Variants in CEMIP observed in about 807,000 individuals in gnomAD.
The protein encoded by CEMIP is cell migration-inducing and hyaluronan-binding protein.
A neutral mutation model predicts 156.9 loss-of-function variants in CEMIP; 105 were observed. The ratio of observed to expected loss-of-function variants is 0.67; its 90% CI spans 0.57 to 0.79. The LOEUF is 0.79. Among genes scored for constraint, CEMIP ranks in the 30% least tolerant of loss-of-function variants. CEMIP has a pLI of 0.00. For missense variants in CEMIP, 1,457 were observed against 1,769.4 expected, an observed-to-expected ratio of 0.82 and a Z score of 3.17; for synonymous variants, 676 against 668.4, an observed-to-expected ratio of 1.01 and a Z score of -0.17.
intron 1 of CEMIP, among the ~76,000 whole-genome samples, chr15:80,823,153 C>T (rs974742336): frequency 5.3e-5 from 8 of 152,170 alleles, no homozygotes; most frequent in Non-Finnish European, 8.8e-5. Flanking sequence ...AATGGAGAAA[C>T]GGTTTGTTTG....
At chr15:80,894,328 T>G in intron 10 of CEMIP, among the ~76,000 whole-genome samples, 1 of 152,260 alleles carries the variant, frequency 6.6e-6, no homozygotes, top group Non-Finnish European at 1.5e-5. Flanking sequence ...TTTGTGATCC[T>G]GGGTAAGTAA....
chr15:80,858,496 C>T (rs182984488), intron 1 of CEMIP, among the ~76,000 whole-genome samples: 77 of 151,706 alleles, frequency 5.1e-4, no homozygotes, highest in Admixed American at 8.5e-4. Context: ...GATGGATCAC[C>T]TGAGGTCAGG....
At chr15:80,782,103 A>G (rs1444284564) in intron 1 of CEMIP, among the ~76,000 whole-genome samples, 1 of 152,228 alleles carries the variant, frequency 6.6e-6, no homozygotes. Context: ...CCCTACCTAC[A>G]CTACTTGGAG....
chr15:80,832,355 T>TGTGTGTGTGTGTGTGTGTGTGC (rs1897175574), intron 1 of CEMIP, among the ~76,000 whole-genome samples: 1 of 151,028 alleles, frequency 6.6e-6, no homozygotes, highest in Admixed American at 6.6e-5. Flanking sequence ...TGTGTGTGTG[T>TGTGTGTGTGTGTGTGTGTGTGC]GTGTGTAAGA....
intron 1 of CEMIP, among the ~76,000 whole-genome samples, chr15:80,818,134 C>CA (rs1436713942): frequency 3.3e-5 from 5 of 152,214 alleles, no homozygotes; most frequent in Admixed American, 6.5e-5. Context: ...CAGCTTACTA[C>CA]AAAAAAATAT....
intron 21 of CEMIP, among the ~76,000 whole-genome samples, chr15:80,929,726 C>T (rs936643771): frequency 1.2e-4 from 18 of 152,182 alleles, no homozygotes; most frequent in African/African-American, 3.9e-4. Context: ...ACACGGGCAC[C>T]GTGGGTTAGG....
Position 80,946,947 on chromosome 15 carries a change from T to G in CEMIP, c.3858-18T>G, listed in dbSNP as rs1567114491. ...GTTTGCTCTCTCCCTCTGGTCTAAT[T>G]GGTTTCTTCTCACACAGTTCCATAG... On this transcript the variant is annotated intron_variant, in intron 28 of 29. Coordinates refer to ENST00000394685, the MANE Select transcript of CEMIP (RefSeq NM_001293298.2). The G allele has an allele frequency of 6.4e-7, 1 of 1,565,960 alleles. No homozygotes were observed. The highest frequency in any genetic ancestry group is 1.4e-5 in the African/African-American group (1 of 74,050).
At chr15:80,930,893 C>T (rs1900888865) in intron 21 of CEMIP, among the ~76,000 whole-genome samples, 1 of 152,158 alleles carries the variant, frequency 6.6e-6, no homozygotes, top group Non-Finnish European at 1.5e-5. Flanking sequence ...TACAGAGACA[C>T]CAGCATAAGC....
intron 1 of CEMIP, among the ~76,000 whole-genome samples, chr15:80,839,694 T>C (rs1171966319): frequency 2.6e-5 from 4 of 152,172 alleles, no homozygotes; most frequent in Non-Finnish European, 2.9e-5. Flanking sequence ...TCCATCCTCT[T>C]CATCTGCCCA....
intron 29 of CEMIP, chr15:80,948,493 TAGG>T (rs751270164): frequency 4.6e-6 from 2 of 430,510 alleles, no homozygotes; most frequent in Non-Finnish European, 4.4e-6. Flanking sequence ...GGCAGGTTCC[TAGG>T]AGGTCTCCTC....
chr15:80,905,344 C>T (rs2141884794), intron 12 of CEMIP, among the ~76,000 whole-genome samples: 1 of 152,332 alleles, frequency 6.6e-6, no homozygotes, highest in South Asian at 2.1e-4. Flanking sequence ...GGTCAGCAAC[C>T]TCAGTGAAGA....
intron 1 of CEMIP, among the ~76,000 whole-genome samples, chr15:80,824,500 G>A (rs1294220981): frequency 1.3e-5 from 2 of 152,202 alleles, no homozygotes; most frequent in African/African-American, 4.8e-5. Flanking sequence ...CAAGAGGACA[G>A]TCTCCAGCAT....
chr15:80,847,440 C>T (rs1305572023), intron 1 of CEMIP, among the ~76,000 whole-genome samples: 1 of 152,208 alleles, frequency 6.6e-6, no homozygotes, highest in Non-Finnish European at 1.5e-5. Context: ...TGTGAGCCAA[C>T]AGAAAGCTTC....
chr15:80,792,070 T>C (rs1471791250), intron 1 of CEMIP, among the ~76,000 whole-genome samples: 1 of 152,208 alleles, frequency 6.6e-6, no homozygotes, highest in African/African-American at 2.4e-5. Context: ...CCCACAAATA[T>C]TCTTTTAGTG....
At chr15:80,786,877 G>T (rs1895954101) in intron 1 of CEMIP, among the ~76,000 whole-genome samples, 1 of 152,148 alleles carries the variant, frequency 6.6e-6, no homozygotes. Context: ...TAAGGAAAAA[G>T]AAATCTTATT....
chr15:80,946,873 A>C, intron 28 of CEMIP, 92 bp from the exon 29 acceptor site: 1 of 828,694 alleles, frequency 1.2e-6, no homozygotes, highest in Admixed American at 2.0e-5. Context: ...TGCTAACTCC[A>C]GTCCCACCAT....
intron 19 of CEMIP, among the ~76,000 whole-genome samples, chr15:80,926,862 A>G (rs1171912703): frequency 2.3e-5 from 3 of 128,538 alleles, no homozygotes; most frequent in African/African-American, 6.8e-5. Flanking sequence ...ATGGAGTCTT[A>G]CTCTGTCACC....
intron 28 of CEMIP, chr15:80,946,202 A>G (rs1901547584): frequency 6.6e-6 from 1 of 152,326 alleles, no homozygotes; most frequent in African/African-American, 2.4e-5. Context: ...CTCTTCCTGC[A>G]GCTCAGAGAA....
chr15:80,867,834 TG>T (rs1490856224), intron 1 of CEMIP, among the ~76,000 whole-genome samples: 3 of 151,954 alleles, frequency 2.0e-5, no homozygotes, highest in African/African-American at 7.3e-5. Flanking sequence ...GAGCTGGGCC[TG>T]GGGAGGAACA....
Sources: allele counts gnomAD v4.1 joint callset (sites outside exome capture counted in the v4.1 genomes callset), GRCh38; gene constraint gnomAD v4.1.1; transcripts MANE v1.5; gene names NCBI Gene and HGNC (gene_info 2026-07-23, HGNC 2026-07-21).